The following CFAP95 variants were observed in gnomAD, a reference collection of about 807,000 sequenced individuals.
CFAP95 encodes the protein cilia and flagella associated protein 95.
the CFAP95 span, among the ~76,000 whole-genome samples, chr9:69,846,177 C>T: frequency 1.3e-5 from 2 of 152,016 alleles, no homozygotes; most frequent in Non-Finnish European, 2.9e-5. Context: ...TTTTTGATTC[C>T]TATATAGAAA....
chr9:69,821,599 G>T, the CFAP95 span, among the ~76,000 whole-genome samples: 27 of 152,164 alleles, frequency 1.8e-4, no homozygotes, highest in African/African-American at 6.3e-4. Context: ...ACTTCCTGGG[G>T]GTAGGGTGTA....
the CFAP95 span, among the ~76,000 whole-genome samples, chr9:69,890,430 CT>C: frequency 6.6e-6 from 1 of 152,300 alleles, no homozygotes; most frequent in East Asian, 1.9e-4. Flanking sequence ...GTTTTTAGCG[CT>C]GCTTCTGACA....
At chr9:69,861,137 G>GCAGC in the CFAP95 span, among the ~76,000 whole-genome samples, 1 of 152,136 alleles carries the variant, frequency 6.6e-6, no homozygotes. Flanking sequence ...TAGTCTTGTT[G>GCAGC]ACACTAGCAT....
At chr9:69,858,008 CA>C in the CFAP95 span, 1 of 1,595,310 alleles carries the variant, frequency 6.3e-7, no homozygotes, top group South Asian at 1.1e-5. Flanking sequence ...TACAACTGTA[CA>C]AAATGTTTCT....
chr9:69,831,428 G>T, the CFAP95 span, among the ~76,000 whole-genome samples: 1 of 145,066 alleles, frequency 6.9e-6, no homozygotes, highest in Non-Finnish European at 1.5e-5. Flanking sequence ...TCCAGATGAA[G>T]AACTCTTTTT....
chr9:69,825,454 C>G, the CFAP95 span, among the ~76,000 whole-genome samples: 2 of 152,148 alleles, frequency 1.3e-5, no homozygotes, highest in African/African-American at 4.8e-5. Context: ...TTAGGGGATA[C>G]CTTTGGTTCG....
At chr9:69,902,801 C>T in the CFAP95 span, among the ~76,000 whole-genome samples, 1 of 151,652 alleles carries the variant, frequency 6.6e-6, no homozygotes, top group Non-Finnish European at 1.5e-5. Context: ...TTTTTGAATA[C>T]CTGCCTTGTT....
the CFAP95 span, chr9:69,906,023 G>A: frequency 4.3e-6 from 7 of 1,613,238 alleles, no homozygotes; most frequent in Non-Finnish European, 5.9e-6. Flanking sequence ...GGATCTAAAT[G>A]GTTCTAAAAG....
At chr9:69,853,182 A>G in the CFAP95 span, among the ~76,000 whole-genome samples, 1 of 152,198 alleles carries the variant, frequency 6.6e-6, no homozygotes, top group African/African-American at 2.4e-5. Flanking sequence ...GCCAAGGGTA[A>G]GTCATCCTCA....
At chr9:69,849,339 A>G in the CFAP95 span, among the ~76,000 whole-genome samples, 1 of 152,000 alleles carries the variant, frequency 6.6e-6, no homozygotes, top group Non-Finnish European at 1.5e-5. Flanking sequence ...GGGATGAAGG[A>G]AGTAAACAAA....
At chr9:69,877,648 C>G in the CFAP95 span, among the ~76,000 whole-genome samples, 1 of 152,188 alleles carries the variant, frequency 6.6e-6, no homozygotes, top group East Asian at 1.9e-4. Context: ...TATCCAACAA[C>G]CTTGCTGAAA....
At chr9:69,828,554 AC>A in the CFAP95 span, among the ~76,000 whole-genome samples, 1 of 151,900 alleles carries the variant, frequency 6.6e-6, no homozygotes, top group Non-Finnish European at 1.5e-5. Flanking sequence ...GTGGTGGCAC[AC>A]CCCTGTGGTC....
At chr9:69,847,746 T>G in the CFAP95 span, among the ~76,000 whole-genome samples, 5 of 152,186 alleles carry the variant, frequency 3.3e-5, no homozygotes, top group African/African-American at 1.2e-4. Context: ...TTTTTGCAAG[T>G]TTGCTGCTGA....
the CFAP95 span, among the ~76,000 whole-genome samples, chr9:69,870,641 T>G: frequency 1.3e-5 from 2 of 152,342 alleles, no homozygotes; most frequent in African/African-American, 4.8e-5. Flanking sequence ...ATCTATTTTA[T>G]GGACTGTGGC....
chr9:69,904,771 C>A, the CFAP95 span, among the ~76,000 whole-genome samples: 8 of 152,274 alleles, frequency 5.3e-5, no homozygotes, highest in Admixed American at 2.0e-4. Flanking sequence ...AACCATAACA[C>A]CTGAAGAAAT....
At chr9:69,880,392 C>T in the CFAP95 span, among the ~76,000 whole-genome samples, 4 of 151,992 alleles carry the variant, frequency 2.6e-5, no homozygotes, top group South Asian at 6.2e-4. Context: ...CCCTCAAACA[C>T]GGTGAGAACA....
the CFAP95 span, among the ~76,000 whole-genome samples, chr9:69,839,874 G>A: frequency 5.3e-5 from 8 of 150,414 alleles, no homozygotes; most frequent in Non-Finnish European, 1.2e-4. Context: ...TCAGGAGTTC[G>A]AGACCAGCCT....
the CFAP95 span, among the ~76,000 whole-genome samples, chr9:69,894,651 T>TAC: frequency 6.6e-6 from 1 of 152,270 alleles, no homozygotes; most frequent in East Asian, 1.9e-4. Context: ...ACACACCATG[T>TAC]AAGTGTTCAA....
the CFAP95 span, among the ~76,000 whole-genome samples, chr9:69,887,083 T>C: frequency 6.6e-6 from 1 of 152,228 alleles, no homozygotes; most frequent in East Asian, 1.9e-4. Context: ...TTTTGGATGT[T>C]TATCGATTTC....
Sources: gnomAD v4.1 joint callset for allele counts (sites outside exome capture counted in the v4.1 genomes callset) on GRCh38, gnomAD v4.1.1 for gene constraint, MANE v1.5 for transcripts, NCBI Gene and HGNC (gene_info 2026-07-23, HGNC 2026-07-21) for gene names.